The following ANO10 variants were observed in gnomAD, a reference collection of about 807,000 sequenced individuals.
ANO10 encodes the protein anoctamin 10.
A neutral mutation model predicts 74.7 loss-of-function variants in ANO10; 77 were observed. The ratio of observed to expected loss-of-function variants is 1.03; its 90% CI spans 0.86 to 1.25. ANO10 has a LOEUF of 1.25. Among genes scored for constraint, ANO10 ranks in the 50% most tolerant of loss-of-function variants. The pLI, the probability that ANO10 is intolerant of heterozygous loss-of-function variation, is 0.00. For missense variants in ANO10, 721 were observed against 778.1 expected (o/e 0.93, Z 0.87); for synonymous variants, 279 against 284.9 (o/e 0.98, Z 0.21).
intron 5 of ANO10, 49 bp from the exon 6 acceptor site, chr3:43,577,310 T>A (rs754979663): frequency 6.5e-7 from 1 of 1,542,852 alleles, no homozygotes; most frequent in Non-Finnish European, 8.9e-7. Context: ...CCAAACACTT[T>A]AAAAAATCAT....
At chr3:43,421,624 A>C (rs1358841361) in intron 12 of ANO10, among the ~76,000 whole-genome samples, 1 of 152,202 alleles carries the variant, frequency 6.6e-6, no homozygotes, top group Non-Finnish European at 1.5e-5. Context: ...CAGGAGTTCG[A>C]AACCAGCCTG....
intron 11 of ANO10, among the ~76,000 whole-genome samples, chr3:43,491,056 C>T (rs1186641313): frequency 6.6e-6 from 1 of 152,112 alleles, no homozygotes; most frequent in South Asian, 2.1e-4. Flanking sequence ...CTTCCAGGGA[C>T]ATTTGACTGG....
At chr3:43,389,892 G>A (rs1272476448) in intron 12 of ANO10, among the ~76,000 whole-genome samples, 1 of 152,166 alleles carries the variant, frequency 6.6e-6, no homozygotes, top group African/African-American at 2.4e-5. Flanking sequence ...AGGAAAGCAC[G>A]TACTAGACGG....
At chr3:43,575,241 T>C (rs2080940137) in intron 6 of ANO10, among the ~76,000 whole-genome samples, 1 of 152,170 alleles carries the variant, frequency 6.6e-6, no homozygotes, top group African/African-American at 2.4e-5. Context: ...AATAAAGTTC[T>C]GTAAGTAAAG....
rs117673803 is a variant in ANO10, at chr3:43,686,973, T to C, written c.-12+4544A>G. Among the ~76,000 whole-genome samples, 80 of 152,084 alleles carry C rather than the reference T, an allele frequency of 5.3e-4. No homozygotes were observed. In the East Asian group the frequency reaches 0.013, roughly 25 times the overall value. ...TGATCCACAGAAGTCTGCATGCAAA[T>C]TAGAGTCCAAGAAGCCCTAAAGTCA... is the stretch of plus-strand genomic sequence containing the variant. On this transcript the variant is annotated intron_variant, in intron 1 of 3. Transcript: ENST00000413397.
intron 11 of ANO10, among the ~76,000 whole-genome samples, chr3:43,525,276 G>C (rs1183061655): frequency 2.6e-5 from 4 of 151,980 alleles, no homozygotes; most frequent in Non-Finnish European, 5.9e-5. Flanking sequence ...TATCCTCTCT[G>C]CCCAAAGCAT....
intron 11 of ANO10, among the ~76,000 whole-genome samples, chr3:43,519,240 C>T (rs893697203): frequency 2.0e-5 from 3 of 152,168 alleles, no homozygotes; most frequent in Non-Finnish European, 4.4e-5. Context: ...TAAAAATTAA[C>T]AGCATTGTGC....
chr3:43,597,520 C>T lies in ANO10; in HGVS notation c.472+1012G>A, dbSNP rs190629361. 7.4e-4 allele frequency among the ~76,000 whole-genome samples: 113 copies of T among 152,116 alleles called. 3 individuals are homozygous for T. The East Asian group carries it at 0.021, about 28-fold the overall frequency. ...AGCAAACTATCGCAAGGACAGAAAACCAAACACCGCATGTTCTCACTCATA... is the reference window on the plus strand; with the variant it reads ...AGCAAACTATCGCAAGGACAGAAAATCAAACACCGCATGTTCTCACTCATA... On this transcript the variant is annotated intron_variant, in intron 4 of 12. Coordinates refer to ENST00000292246, the MANE Select transcript of ANO10 (RefSeq NM_018075.5).
intron 11 of ANO10, among the ~76,000 whole-genome samples, chr3:43,513,986 C>T (rs1296124296): frequency 6.7e-6 from 1 of 149,080 alleles, no homozygotes; most frequent in African/African-American, 2.5e-5. Context: ...TCTATTTTTG[C>T]TTGCTATTTT....
intron 1 of ANO10, among the ~76,000 whole-genome samples, chr3:43,667,709 T>C (rs2084009022): frequency 6.6e-6 from 1 of 152,212 alleles, no homozygotes; most frequent in South Asian, 2.1e-4. Flanking sequence ...TTTCTACTGC[T>C]GAGTTACTTC....
rs570568940 is a variant in ANO10 at position 43,605,987 on chromosome 3, G to A, written c.-11-124C>T. 8.1e-5 allele frequency: 86 copies of A among 1,064,154 alleles called. No individual in the cohort carries two copies. In the Admixed American group the frequency reaches 8.5e-4, roughly 10 times the overall value. 65.9% of individuals were successfully genotyped at this position (1,064,154 alleles called of 1,614,324 possible). ...CTTCCAAGATAAAAGCAAATTTCTCGTGATTCAGATGGGTTATATGACAGA... is the reference window on the plus strand; with the variant it reads ...CTTCCAAGATAAAAGCAAATTTCTCATGATTCAGATGGGTTATATGACAGA... On this transcript the variant is annotated intron_variant, in intron 1 of 12. Transcript: ENST00000292246.
chr3:43,552,599 TTC>T (rs1337701695), intron 10 of ANO10, among the ~76,000 whole-genome samples: 3 of 151,252 alleles, frequency 2.0e-5, no homozygotes, highest in African/African-American at 7.3e-5. Context: ...CCTATAGCTA[TTC>T]TCTTAGGATA....
At chr3:43,444,278 T>A (rs925081376) in intron 11 of ANO10, among the ~76,000 whole-genome samples, 9 of 152,158 alleles carry the variant, frequency 5.9e-5, no homozygotes, top group Admixed American at 5.2e-4. Flanking sequence ...TTAAAGCAAT[T>A]TACATGTGTT....
intron 12 of ANO10, among the ~76,000 whole-genome samples, chr3:43,381,993 T>C (rs370391594): frequency 9.2e-5 from 14 of 152,154 alleles, no homozygotes; most frequent in South Asian, 4.1e-4. Flanking sequence ...GAAATCAAGA[T>C]GGAAATTAAA....
intron 11 of ANO10, among the ~76,000 whole-genome samples, chr3:43,535,797 A>G (rs190382314): frequency 3.3e-5 from 5 of 152,326 alleles, no homozygotes; most frequent in African/African-American, 1.2e-4. Flanking sequence ...GCTACTGTGT[A>G]AACTAGTAAC....
intron 12 of ANO10, among the ~76,000 whole-genome samples, chr3:43,426,583 G>C (rs1312808889): frequency 6.6e-6 from 1 of 152,306 alleles, no homozygotes; most frequent in East Asian, 1.9e-4. Flanking sequence ...GCTCCCAGGA[G>C]GGCTGACTGC....
chr3:43,518,338 T>C (rs572881593), intron 11 of ANO10, among the ~76,000 whole-genome samples: 32 of 152,350 alleles, frequency 2.1e-4, no homozygotes, highest in Non-Finnish European at 3.7e-4. Context: ...TTCCTATGCC[T>C]GTCTTTAATC....
rs999401166 is a variant in ANO10, at chr3:43,568,339, T to C, written c.1219-2612A>G. Among the ~76,000 whole-genome samples the C allele has an allele frequency of 3.3e-5, 5 of 152,168 alleles. No individual in the cohort carries two copies. In the East Asian group the frequency reaches 5.8e-4, roughly 18 times the overall value. ...TCAGCTCTGCACCAAGTGGACCTAATAGACATCTACAGAACTCTCCACCCC... is the reference window on the plus strand; with the variant it reads ...TCAGCTCTGCACCAAGTGGACCTAACAGACATCTACAGAACTCTCCACCCC... On this transcript the variant is annotated intron_variant, in intron 7 of 12. Coordinates refer to ENST00000292246, the MANE Select transcript of ANO10 (RefSeq NM_018075.5).
chr3:43,453,899 A>G (rs2075004484), intron 11 of ANO10, among the ~76,000 whole-genome samples: 1 of 152,204 alleles, frequency 6.6e-6, no homozygotes, highest in South Asian at 2.1e-4. Flanking sequence ...GTAGGCAACT[A>G]CCACATACCA....
Sources: gnomAD v4.1 joint callset for allele counts (sites outside exome capture counted in the v4.1 genomes callset) on GRCh38, gnomAD v4.1.1 for gene constraint, MANE v1.5 for transcripts, NCBI Gene and HGNC (gene_info 2026-07-23, HGNC 2026-07-21) for gene names.